ADAMTSL5: variants seen among roughly 807,000 people sequenced by gnomAD.
ADAMTSL5 encodes ADAMTS-like protein 5.
Under a neutral mutation model 51.7 loss-of-function variants are expected in ADAMTSL5, and 53 were observed. The observed-to-expected ratio is 1.03, with a 90% CI of 0.82 to 1.29. ADAMTSL5 has a LOEUF of 1.29. Among genes scored for constraint, ADAMTSL5 ranks in the 50% most tolerant of loss-of-function variants. ADAMTSL5 has a pLI of 0.00. For missense variants in ADAMTSL5, 770 were observed against 676.2 expected (o/e 1.14, Z -1.54); for synonymous variants, 285 against 278.7 (o/e 1.02, Z -0.23).
In ADAMTSL5 at chr19:1,510,993, G is replaced by C. The variant is rs2052285080; in HGVS notation, c.-50C>G. The C allele has an allele frequency of 2.3e-5, 30 of 1,290,462 alleles. No individual in the cohort carries two copies. The highest frequency in any genetic ancestry group is 3.0e-5 in the Non-Finnish European group (30 of 996,720). The allele number at this position is 1,290,462 out of a possible 1,614,324, so 79.9% of individuals were successfully genotyped here. ...TTGTGTCCCGGCTCTGCCCTGACTGGCTGTGTGATCTTGGAAAGTAACTAA... is the reference window on the plus strand; with the variant it reads ...TTGTGTCCCGGCTCTGCCCTGACTGCCTGTGTGATCTTGGAAAGTAACTAA... On this transcript the variant is annotated 5_prime_UTR_variant, in exon 2 of 12. Transcript: ENST00000330475.
intron 3 of ADAMTSL5, 100 bp from the exon 4 acceptor site, chr19:1,510,528 A>C (rs265292): frequency 6.7e-7 from 1 of 1,492,966 alleles, no homozygotes; most frequent in Non-Finnish European, 9.0e-7. Context: ...TTCCAGCGGG[A>C]TCAGGGGGAT....
At position 1,510,190 on chromosome 19, in the gene ADAMTSL5, C is replaced by G. The variant is rs772317473; in HGVS notation, c.321G>C (p.Leu107=). ...CCCACTGGTAGGTCTTCTGGGTGCC[C>G]AGGACAGGGCGGCCATTGTACAGGG... ...QCALYNGRPV[L]GTQKTYQWVP... The change falls in exon 5 of 12, where the codon CTG becomes CTC. Residue 107 remains leucine, a synonymous_variant. Transcript: ENST00000330475. 2 of 1,612,928 alleles carry G rather than the reference C, an allele frequency of 1.2e-6. No homozygotes were observed. The highest frequency in any genetic ancestry group is 1.7e-6 in the Non-Finnish European group (2 of 1,179,850).
chr19:1,508,837 T>G, intron 5 of ADAMTSL5: 1 of 392,052 alleles, frequency 2.6e-6, no homozygotes, highest in Non-Finnish European at 4.5e-6. Context: ...TTACATATTA[T>G]TCATTTTTAA....
intron 5 of ADAMTSL5, among the ~76,000 whole-genome samples, chr19:1,509,266 A>AG (rs891892967): frequency 1.3e-5 from 2 of 150,492 alleles, no homozygotes; most frequent in Admixed American, 1.3e-4. Context: ...AAAAAAAAAA[A>AG]AAAAAAAAAA....
Position 1,510,437 on chromosome 19 carries a change from A to T in ADAMTSL5, c.192-9T>A. On this transcript the variant is annotated splice_polypyrimidine_tract_variant and intron_variant, in intron 3 of 11. Transcript: ENST00000330475. The stretch of plus-strand genomic sequence containing the variant: ...GTTCTTCCCCAGGAAGCCTGAAGGG[A>T]GACAGAGTGTGGCGAGAACCCCCAG... 1 of 1,608,078 alleles carries T rather than the reference A, an allele frequency of 6.2e-7. No homozygotes were observed. Among genetic ancestry groups the T allele is most frequent in the Non-Finnish European group, 8.5e-7 (1 of 1,178,276 alleles).
In ADAMTSL5 at chr19:1,506,402, G is replaced by A. The variant is rs1349077231; in HGVS notation, c.1115-86C>T. 1 of 1,493,952 alleles carries A rather than the reference G, an allele frequency of 6.7e-7. No homozygotes were observed. Among genetic ancestry groups the A allele is most frequent in the African/African-American group, 1.4e-5 (1 of 71,926 alleles). 92.5% of individuals were successfully genotyped at this position (1,493,952 alleles called of 1,614,324 possible). ...CTCCCTTGCCAGAAGAGGGACTGAGGGTCAGGTGGGACCTCGGGATCTATA... is the reference window on the plus strand; with the variant it reads ...CTCCCTTGCCAGAAGAGGGACTGAGAGTCAGGTGGGACCTCGGGATCTATA... On this transcript the variant is annotated intron_variant, in intron 11 of 11. Transcript: ENST00000330475. This position sits in a 1 kb window ranked among gnomAD's most constrained non-coding sequence, Gnocchi z 5.6.
At position 1,510,223 on chromosome 19, in the gene ADAMTSL5, TA is replaced by T. The variant is rs778031366; in HGVS notation, c.287del (p.Leu96HisfsTer114). 1 of 1,613,312 alleles carries T rather than the reference TA, an allele frequency of 6.2e-7. No individual in the cohort carries two copies. The highest frequency in any genetic ancestry group is 8.5e-7 in the Non-Finnish European group (1 of 1,179,892). On this transcript the variant is annotated frameshift_variant, in exon 5 of 12. Coordinates refer to ENST00000330475, the MANE Select transcript of ADAMTSL5 (RefSeq NM_213604.3). LOFTEE classifies it high-confidence loss of function. ...CPPGAVPFRD[L>X]QCALYNGRPV... ...GGCGGCCATTGTACAGGGCACACTG[TA>T]GGTCTCGGAAGGGCACAGCCCCTGG... is the stretch of plus-strand genomic sequence containing the variant.
chr19:1,507,679 TG>T (rs761461452), intron 7 of ADAMTSL5, 36 bp from the exon 8 acceptor site: 4 of 1,581,488 alleles, frequency 2.5e-6, no homozygotes, highest in South Asian at 2.2e-5. Flanking sequence ...GGGGTGCCAG[TG>T]GGGGTGTATT....
intron 5 of ADAMTSL5, among the ~76,000 whole-genome samples, chr19:1,509,254 CAA>C (rs753778097): frequency 6.1e-5 from 3 of 49,548 alleles, no homozygotes; most frequent in Admixed American, 2.9e-4. Flanking sequence ...GACTCCATCT[CAA>C]AAAAAAAAAA....
chr19:1,508,732 G>C (rs1321607142), intron 5 of ADAMTSL5, 162 bp from the exon 6 acceptor site: 1 of 988,412 alleles, frequency 1.0e-6, no homozygotes, highest in East Asian at 3.1e-5. Flanking sequence ...GACCGTAGGT[G>C]CTCTGCGTCC....
chr19:1,509,356 C>T (rs950522419), intron 5 of ADAMTSL5, among the ~76,000 whole-genome samples: 4 of 152,202 alleles, frequency 2.6e-5, no homozygotes, highest in East Asian at 1.9e-4. Context: ...GACTGAGTCC[C>T]GCACAACTGA....
Position 1,507,992 on chromosome 19 carries a change from A to G in ADAMTSL5, c.601+6T>C. ...TGTGTGCAGGGAGGGCGGGGCAGGTAGTCACCGGCGTCACGAAACACGCGC... is the reference window on the plus strand; with the variant it reads ...TGTGTGCAGGGAGGGCGGGGCAGGTGGTCACCGGCGTCACGAAACACGCGC... On this transcript the variant is annotated splice_donor_region_variant and intron_variant, in intron 7 of 11. Transcript: ENST00000330475. 1 of 1,585,352 alleles carries G rather than the reference A, an allele frequency of 6.3e-7. No individual in the cohort carries two copies. The highest frequency in any genetic ancestry group is 8.6e-7 in the Non-Finnish European group (1 of 1,166,350).
rs867541463 is a variant in ADAMTSL5, at chr19:1,510,156, G to A, written c.355C>T (p.His119Tyr). ...AGGAGACCAGACTACTCACCCCCATGGAAGGGCACCCACTGGTAGGTCTTC... is the reference window on the plus strand; with the variant it reads ...AGGAGACCAGACTACTCACCCCCATAGAAGGGCACCCACTGGTAGGTCTTC... ...TQKTYQWVPF[H>Y]GAPNQCDLNC... Residue 119 changes from histidine to tyrosine, a missense_variant, in exon 5 of 12, where the codon CAT (histidine) becomes TAT (tyrosine). His to Tyr is a moderately conservative substitution (Grantham distance 83). Transcript: ENST00000330475. 3 of 1,610,480 alleles carry A rather than the reference G, an allele frequency of 1.9e-6. No individual in the cohort carries two copies. The highest frequency in any genetic ancestry group is 1.7e-5 in the Admixed American group (1 of 59,726).
At chr19:1,507,826 C>T (rs1205266520) in intron 7 of ADAMTSL5, among the ~76,000 whole-genome samples, 172 bp downstream of exon 7, 2 of 151,988 alleles carry the variant, frequency 1.3e-5, no homozygotes, top group African/African-American at 4.8e-5. Context: ...AGGGTTAAAA[C>T]CCCATCTGTC....
At chr19:1,509,740 A>C (rs1217987121) in intron 5 of ADAMTSL5, among the ~76,000 whole-genome samples, 1 of 152,154 alleles carries the variant, frequency 6.6e-6, no homozygotes, top group East Asian at 1.9e-4. Context: ...TGTCCATTCT[A>C]GGCTTTTCTT....
At position 1,510,406 on chromosome 19, in the gene ADAMTSL5, AGCAC is replaced by A; in HGVS notation, c.210_213del (p.Cys71GlyfsTer138). On this transcript the variant is annotated frameshift_variant, in exon 4 of 12. Coordinates refer to ENST00000330475, the MANE Select transcript of ADAMTSL5 (RefSeq NM_213604.3). LOFTEE classifies it high-confidence loss of function. Reference sequence around the variant, plus strand: ...AGGCGGTACTCATGGGAGTCTCCCCAGCACGGTTCTTCCCCAGGAAGCCTGAAGG... The same window carrying A: ...AGGCGGTACTCATGGGAGTCTCCCCAGGTTCTTCCCCAGGAAGCCTGAAGG... 6.2e-7 allele frequency: 1 copy of A among 1,612,310 alleles called. No individual in the cohort carries two copies. The highest frequency in any genetic ancestry group is 2.2e-5 in the East Asian group (1 of 44,898).
In ADAMTSL5 at chr19:1,506,020, C is replaced by T; in HGVS notation, c.1411G>A (p.Gly471Ser). 1.3e-6 allele frequency: 2 copies of T among 1,561,424 alleles called. No individual in the cohort carries two copies. The highest frequency in any genetic ancestry group is 1.7e-6 in the Non-Finnish European group (2 of 1,161,386). ...GCCGGGGCTCCTGCAGGGGCTCAGC[C>T]AGGACAGCGCCGGGCAGTCAGGCGT... The part of the protein sequence containing the change: ...RIRLTARRCP[G>S] Residue 471 changes from glycine (G) to serine (S), a missense_variant, in exon 12 of 12, where the codon GGC (glycine) becomes AGC (serine). Physicochemically the swap from Gly to Ser is moderately conservative, Grantham distance 56. Transcript: ENST00000330475. The surrounding 1 kb of genome is among the most constrained non-coding windows in gnomAD (Gnocchi z 5.6).
intron 7 of ADAMTSL5, 23 bp downstream of exon 7, chr19:1,507,975 G>T (rs1040217411): frequency 6.4e-7 from 1 of 1,569,830 alleles, no homozygotes; most frequent in East Asian, 2.3e-5. Flanking sequence ...CGTGTGTGCA[G>T]GGAGGGCGGG....
chr19:1,508,716 G>T, intron 5 of ADAMTSL5, 146 bp from the exon 6 acceptor site: 1 of 1,186,534 alleles, frequency 8.4e-7, no homozygotes, highest in South Asian at 1.8e-5. Flanking sequence ...GGCAGAGCCA[G>T]GACTGGACCG....
Sources: allele counts gnomAD v4.1 joint callset (sites outside exome capture counted in the v4.1 genomes callset), GRCh38; gene constraint gnomAD v4.1.1; non-coding constraint Gnocchi (gnomAD v3.1); transcripts MANE v1.5; gene names NCBI Gene and HGNC (gene_info 2026-07-23, HGNC 2026-07-21).